Variants in CCDC38 observed in about 807,000 individuals in gnomAD.
The protein encoded by CCDC38 is coiled-coil domain-containing protein 38.
Under a neutral mutation model 72.8 loss-of-function variants are expected in CCDC38, and 69 were observed. The observed-to-expected ratio is 0.95, with a 90% CI of 0.78 to 1.16. The LOEUF (loss-of-function observed/expected upper bound fraction) is 1.16. CCDC38 is among the 50% of genes most tolerant of loss of function. CCDC38 has a pLI of 0.00. For missense variants in CCDC38, 626 were observed against 638.9 expected (o/e 0.98, Z 0.22); for synonymous variants, 201 against 213.2 (o/e 0.94, Z 0.50).
intron 2 of CCDC38, chr12:95,919,635 A>G (rs1410687061): frequency 2.2e-6 from 1 of 455,588 alleles, no homozygotes; most frequent in Non-Finnish European, 4.4e-6. Context: ...TTCATGAGGA[A>G]TGAGTTGATA....
At chr12:95,926,784 T>G (rs1245764622) in intron 2 of CCDC38, among the ~76,000 whole-genome samples, 1 of 151,746 alleles carries the variant, frequency 6.6e-6, no homozygotes, top group Non-Finnish European at 1.5e-5. Flanking sequence ...TATTTCTTCC[T>G]TCATTTGGTT....
At chr12:95,883,597 C>G (rs562359057) in intron 10 of CCDC38, among the ~76,000 whole-genome samples, 1 of 152,330 alleles carries the variant, frequency 6.6e-6, no homozygotes, top group South Asian at 2.1e-4. Context: ...CTCCCATGCC[C>G]TCACCTCTCC....
At chr12:95,870,604 C>G (rs1244601717) in intron 14 of CCDC38, among the ~76,000 whole-genome samples, 1 of 152,164 alleles carries the variant, frequency 6.6e-6, no homozygotes, top group African/African-American at 2.4e-5. Context: ...GTTGTAATTA[C>G]ACTTTGGTGC....
At chr12:95,934,907 G>A (rs1565970858) in intron 2 of CCDC38, 1 of 152,168 alleles carries the variant, frequency 6.6e-6, no homozygotes, top group Non-Finnish European at 1.5e-5. Context: ...CCGGAAGGCT[G>A]AGGCACGAGA....
chr12:95,926,024 C>T (rs1220855058), intron 2 of CCDC38, among the ~76,000 whole-genome samples: 2 of 136,286 alleles, frequency 1.5e-5, no homozygotes, highest in South Asian at 2.7e-4. Context: ...TGTCTCTGCC[C>T]GGCTTTGGTA....
At chr12:95,878,448 G>T in intron 12 of CCDC38, 102 bp from the exon 13 acceptor site, 1 of 1,130,336 alleles carries the variant, frequency 8.8e-7, no homozygotes, top group Non-Finnish European at 1.3e-6. Context: ...CAAAATCCAT[G>T]TAGTGAGCCA....
intron 7 of CCDC38, 111 bp downstream of exon 7, chr12:95,898,274 A>G (rs574421106): frequency 2.8e-6 from 3 of 1,061,110 alleles, no homozygotes; most frequent in South Asian, 2.6e-5. Context: ...GTTCATACTT[A>G]TGACATCATC....
At position 95,878,282 on chromosome 12, in the gene CCDC38, C is replaced by A. The variant is rs749769190; in HGVS notation, c.1207G>T (p.Glu403Ter). 6.2e-7 allele frequency: 1 copy of A among 1,613,690 alleles called. No homozygotes were observed. Among genetic ancestry groups the A allele is most frequent in the South Asian group, 1.1e-5 (1 of 91,076 alleles). The change falls in exon 13 of 16, where the codon GAA becomes TAA. Residue 403 changes from glutamate (E) to a stop codon, truncating the protein, a stop_gained. Transcript: ENST00000344280. LOFTEE classifies it high-confidence loss of function. ...AATTGCAATTCTGCTGCTTTCTCTTCTTCTCTCACACAGTTAGCTTTAAGC... is the reference window on the plus strand; with the variant it reads ...AATTGCAATTCTGCTGCTTTCTCTTATTCTCTCACACAGTTAGCTTTAAGC... ...KMLKANCVREEEKAAELQLKS... is the reference protein window; with the variant it reads ...KMLKANCVRE
At chr12:95,940,468 A>C (rs2080436989) in intron 1 of CCDC38, among the ~76,000 whole-genome samples, 1 of 152,228 alleles carries the variant, frequency 6.6e-6, no homozygotes, top group Non-Finnish European at 1.5e-5. Context: ...TCTAAAACCC[A>C]ATGAAAACGA....
At chr12:95,895,440 A>G (rs575295593) in intron 7 of CCDC38, among the ~76,000 whole-genome samples, 7 of 152,180 alleles carry the variant, frequency 4.6e-5, no homozygotes, top group African/African-American at 1.7e-4. Flanking sequence ...TAAGTTTTAG[A>G]TATAGGGAGA....
intron 2 of CCDC38, among the ~76,000 whole-genome samples, chr12:95,922,536 T>G (rs763002714): frequency 6.6e-6 from 1 of 152,026 alleles, no homozygotes; most frequent in Non-Finnish European, 1.5e-5. Context: ...GTGAAACCCA[T>G]TAGGTTGAAG....
At chr12:95,871,607 C>A (rs959563800) in intron 14 of CCDC38, among the ~76,000 whole-genome samples, 1 of 152,004 alleles carries the variant, frequency 6.6e-6, no homozygotes, top group Non-Finnish European at 1.5e-5. Context: ...GGGCACCAAG[C>A]TATGTAAGCA....
intron 4 of CCDC38, 78 bp from the exon 5 acceptor site, chr12:95,906,529 TA>T: frequency 1.0e-6 from 1 of 979,006 alleles, no homozygotes. Flanking sequence ...GCCATATAAT[TA>T]AATTATTCTA....
chr12:95,897,930 C>A (rs770694783), intron 7 of CCDC38, among the ~76,000 whole-genome samples: 1 of 151,812 alleles, frequency 6.6e-6, no homozygotes, highest in Admixed American at 6.6e-5. Flanking sequence ...ACTATGTAAG[C>A]GTAAATATAA....
intron 11 of CCDC38, among the ~76,000 whole-genome samples, chr12:95,880,362 AGGAAAGAAATTGACCGGGTGC>A (rs1304637046): frequency 3.3e-5 from 5 of 152,230 alleles, no homozygotes; most frequent in Non-Finnish European, 7.3e-5. Flanking sequence ...CAGCTTCAAA[AGGAAAGAAATTGACCGGGTGC>A]GGTGGCTCAC....
chr12:95,873,009 T>C (rs2079598478), intron 13 of CCDC38, among the ~76,000 whole-genome samples: 2 of 152,162 alleles, frequency 1.3e-5, no homozygotes, highest in African/African-American at 4.8e-5. Context: ...ATATGAAAAG[T>C]AATTATAATG....
chr12:95,880,871 T>C (rs543328197), intron 11 of CCDC38, among the ~76,000 whole-genome samples: 1 of 152,304 alleles, frequency 6.6e-6, no homozygotes, highest in South Asian at 2.1e-4. Context: ...TTAATGAGTA[T>C]AGAGTTTCTA....
In CCDC38 at chr12:95,893,967, G is replaced by A. The variant is rs375988067; in HGVS notation, c.772+1022C>T. On this transcript the variant is annotated intron_variant, in intron 8 of 15. Coordinates refer to ENST00000344280, the MANE Select transcript of CCDC38 (RefSeq NM_182496.3). ...CATAAAACTTAGGTTAATTTGTTAGGTTAATAAAACATGACGGCCGAGGCG... is the reference window on the plus strand; with the variant it reads ...CATAAAACTTAGGTTAATTTGTTAGATTAATAAAACATGACGGCCGAGGCG... 6.6e-4 allele frequency among the ~76,000 whole-genome samples: 101 copies of A among 152,156 alleles called. 1 individual carries two copies. The highest frequency in any genetic ancestry group is 2.2e-3 in the African/African-American group (93 of 41,486).
chr12:95,914,627 C>T (rs1487155906), intron 4 of CCDC38, among the ~76,000 whole-genome samples: 1 of 152,144 alleles, frequency 6.6e-6, no homozygotes, highest in African/African-American at 2.4e-5. Context: ...TGAACTATTC[C>T]TTAGTGTCGT....
Sources: allele counts gnomAD v4.1 joint callset (sites outside exome capture counted in the v4.1 genomes callset), GRCh38; gene constraint gnomAD v4.1.1; transcripts MANE v1.5; gene names NCBI Gene and HGNC (gene_info 2026-07-23, HGNC 2026-07-21).